MMP14: variants seen among roughly 807,000 people sequenced by gnomAD.
The protein encoded by MMP14 is matrix metalloproteinase-14.
MMP14 carries 13 observed loss-of-function variants against 64.8 expected under a neutral mutation model. That is an observed-to-expected ratio of 0.20 (90% CI 0.13 to 0.32). The LOEUF (loss-of-function observed/expected upper bound fraction) is 0.32, where lower values mean the gene tolerates loss of function less well. MMP14 is among the 10% of genes least tolerant of loss of function. The pLI is 1.00. For synonymous variants in MMP14, 322 were observed against 315.9 expected (o/e 1.02, Z -0.20); for missense variants, 594 against 783.8 (o/e 0.76, Z 2.89).
chr14:22,846,266 G>C lies in MMP14; in HGVS notation c.*227G>C, dbSNP rs113291270. 2 of 528,318 alleles carry C rather than the reference G, an allele frequency of 3.8e-6. No individual in the cohort carries two copies. Among genetic ancestry groups the C allele is most frequent in the Admixed American group, 3.6e-5 (1 of 28,070 alleles). 32.7% of individuals were successfully genotyped at this position (528,318 alleles called of 1,614,324 possible). ...GGTCCCCTGAGGGCTGAGTGGGAGG[G>C]CGGCCCTTTCCAGCCTCTGCCCCTC... On this transcript the variant is annotated 3_prime_UTR_variant, in exon 10 of 10. Transcript: ENST00000311852.
Position 22,841,470 on chromosome 14 carries a change from G to A in MMP14, c.109-21G>A, listed in dbSNP as rs374753739. The A allele has an allele frequency of 1.2e-5, 19 of 1,611,910 alleles. No individual in the cohort carries two copies. In the African/African-American group the frequency reaches 2.3e-4, roughly 19 times the overall value. ...TATGGGCCAGGTGGGGACACTCTAA[G>A]CCATACCCCTTTCCCTACAGGCCTG... On this transcript the variant is annotated intron_variant, in intron 1 of 9. Transcript: ENST00000311852.
At chr14:22,844,918 C>CCA in intron 8 of MMP14, 138 bp downstream of exon 8, 1 of 1,247,350 alleles carries the variant, frequency 8.0e-7, no homozygotes, top group Non-Finnish European at 1.1e-6. Flanking sequence ...CTGCTGTTGC[C>CCA]TAGAAATGGG....
At position 22,843,154 on chromosome 14, in the gene MMP14, A is replaced by T; in HGVS notation, c.689-103A>T. ...AATTTGGCCACTTTGGATTGAAAAC[A>T]TGGGCAGCAGGCTTGGAGGTGAAAC... On this transcript the variant is annotated intron_variant, in intron 4 of 9. Transcript: ENST00000311852. The surrounding 1 kb of genome is among the most constrained non-coding windows in gnomAD (Gnocchi z 4.8). 1 of 1,367,972 alleles carries T rather than the reference A, an allele frequency of 7.3e-7. No individual in the cohort carries two copies. Among genetic ancestry groups the T allele is most frequent in the Non-Finnish European group, 1.0e-6 (1 of 1,002,506 alleles). 84.7% of individuals were successfully genotyped at this position (1,367,972 alleles called of 1,614,324 possible).
chr14:22,839,942 A>C (rs956225322), intron 1 of MMP14, among the ~76,000 whole-genome samples: 1 of 148,686 alleles, frequency 6.7e-6, no homozygotes, highest in African/African-American at 2.5e-5. Context: ...CATATTTCAT[A>C]TATAACTTGG....
In MMP14 at chr14:22,845,847, G is replaced by A; in HGVS notation, c.1557G>A (p.Glu519=). 1 of 1,614,190 alleles carries A rather than the reference G, an allele frequency of 6.2e-7. No homozygotes were observed. Among genetic ancestry groups the A allele is most frequent in the South Asian group, 1.1e-5 (1 of 91,086 alleles). The change falls in exon 10 of 10, where the codon GAG becomes GAA. Residue 519 remains glutamate (E), a synonymous_variant. Coordinates refer to ENST00000311852, the MANE Select transcript of MMP14 (RefSeq NM_004995.4). ...GAGGCCGGCCGGATGAGGGGACTGA[G>A]GAGGAGACGGAGGTGATCATCATTG... is the stretch of plus-strand genomic sequence containing the variant. ...PSGGRPDEGT[E]EETEVIIIEV...
At position 22,843,139 on chromosome 14, in the gene MMP14, C is replaced by T; in HGVS notation, c.689-118C>T. On this transcript the variant is annotated intron_variant, in intron 4 of 9. Coordinates refer to ENST00000311852, the MANE Select transcript of MMP14 (RefSeq NM_004995.4). This position sits in a 1 kb window ranked among gnomAD's most constrained non-coding sequence, Gnocchi z 4.8. Reference sequence around the variant, plus strand: ...AAAGCTAGACCTCAGAATTTGGCCACTTTGGATTGAAAACATGGGCAGCAG... The same window carrying T: ...AAAGCTAGACCTCAGAATTTGGCCATTTTGGATTGAAAACATGGGCAGCAG... 2 of 1,259,732 alleles carry T rather than the reference C, an allele frequency of 1.6e-6. No individual in the cohort carries two copies. The highest frequency in any genetic ancestry group is 2.2e-6 in the Non-Finnish European group (2 of 912,996). 78.0% of individuals were successfully genotyped at this position (1,259,732 alleles called of 1,614,324 possible). A position where few individuals can be genotyped will look rare whatever the true frequency, so the allele number is the denominator to read the frequency against.
At chr14:22,837,940 C>T (rs1269781686) in intron 1 of MMP14, among the ~76,000 whole-genome samples, 4 of 152,296 alleles carry the variant, frequency 2.6e-5, no homozygotes, top group Non-Finnish European at 1.5e-5. Context: ...CTGGCAAGGG[C>T]CTGGGTGCGG....
chr14:22,845,391 G>C (rs774453473), intron 9 of MMP14, 25 bp downstream of exon 9: 1 of 1,516,746 alleles, frequency 6.6e-7, no homozygotes, highest in Non-Finnish European at 9.1e-7. Flanking sequence ...GGAAGGTGTC[G>C]CTGAGAGAAG....
intron 1 of MMP14, among the ~76,000 whole-genome samples, chr14:22,838,897 G>C (rs543110905): frequency 6.6e-6 from 1 of 152,164 alleles, no homozygotes; most frequent in Non-Finnish European, 1.5e-5. Flanking sequence ...CAGGCCTTGC[G>C]GCTCTCTTGA....
chr14:22,839,548 G>A (rs542841683), intron 1 of MMP14, among the ~76,000 whole-genome samples: 12 of 152,178 alleles, frequency 7.9e-5, no homozygotes, highest in Non-Finnish European at 1.6e-4. Flanking sequence ...TGTTGGCTGG[G>A]AAAAGGCTGG....
At position 22,846,128 on chromosome 14, in the gene MMP14, T is replaced by C. The variant is rs1787163682; in HGVS notation, c.*89T>C. On this transcript the variant is annotated 3_prime_UTR_variant, in exon 10 of 10. Coordinates refer to ENST00000311852, the MANE Select transcript of MMP14 (RefSeq NM_004995.4). ...GGTGGTGGTGGGTGGGCTGTTCCCA[T>C]CGTCCCGAGCCCCCTCCCCGCAGCC... is the stretch of plus-strand genomic sequence containing the variant. 6 of 1,258,484 alleles carry C rather than the reference T, an allele frequency of 4.8e-6. No homozygotes were observed. In the South Asian group the frequency reaches 9.4e-5, roughly 20 times the overall value. 78.0% of individuals were successfully genotyped at this position (1,258,484 alleles called of 1,614,324 possible).
At chr14:22,841,868 C>CAAA in intron 2 of MMP14, 45 bp from the exon 3 acceptor site, 1 of 1,612,188 alleles carries the variant, frequency 6.2e-7, no homozygotes, top group Non-Finnish European at 8.5e-7. Flanking sequence ...CTTTCTCTTT[C>CAAA]ATACACTGCA....
chr14:22,844,360 C>G lies in MMP14; in HGVS notation c.1012-11C>G. On this transcript the variant is annotated splice_polypyrimidine_tract_variant and intron_variant, in intron 6 of 9. Transcript: ENST00000311852. ...ACATAATGGACTTTTCCTGCATTGA[C>G]CGGCTTCCAGGAGCGCTGGTTCTGG... 6.2e-7 allele frequency: 1 copy of G among 1,614,018 alleles called. No homozygotes were observed. Among genetic ancestry groups the G allele is most frequent in the South Asian group, 1.1e-5 (1 of 91,060 alleles).
At chr14:22,844,002 G>A (rs2039793080) in intron 6 of MMP14, 132 bp downstream of exon 6, 6 of 1,180,118 alleles carry the variant, frequency 5.1e-6, no homozygotes, top group Non-Finnish European at 7.2e-6. Flanking sequence ...TCGAGAGCAG[G>A]CTGGCCAACA....
At position 22,836,890 on chromosome 14, in the gene MMP14, C is replaced by T. The variant is rs749088113; in HGVS notation, c.73C>T (p.Leu25Phe). Residue 25 changes from leucine to phenylalanine, a missense_variant, in exon 1 of 10, where the codon CTC (leucine) becomes TTC (phenylalanine). Leu to Phe is a conservative substitution (Grantham distance 22). Transcript: ENST00000311852. ...LLTLGTALASLGSAQSSSFSP... is the reference protein window; with the variant it reads ...LLTLGTALASFGSAQSSSFSP... ...CACGCTCGGCACCGCGCTCGCCTCC[C>T]TCGGCTCGGCCCAAAGCAGCAGCTT... 1.4e-5 allele frequency: 22 copies of T among 1,613,716 alleles called. No individual in the cohort carries two copies. The highest frequency in any genetic ancestry group is 1.9e-5 in the Non-Finnish European group (22 of 1,179,860).
chr14:22,839,703 C>G (rs1168646818), intron 1 of MMP14, among the ~76,000 whole-genome samples: 1 of 152,154 alleles, frequency 6.6e-6, no homozygotes, highest in Non-Finnish European at 1.5e-5. Context: ...AGACTACTGC[C>G]CCATCACCAG....
rs112078864 is a variant in MMP14, at chr14:22,844,178, C to G, written c.1012-193C>G. Among the ~76,000 whole-genome samples, 3,527 of 147,516 alleles carry G rather than the reference C, an allele frequency of 0.024. 129 individuals carry two copies. Among genetic ancestry groups the G allele is most frequent in the African/African-American group, 0.084 (3,348 of 39,850 alleles). Reference sequence around the variant, plus strand: ...GGCCATTGCACTCCAGCCTGGACAACAGTGTGAGACTCCATCTCAAAAAAA... The same window carrying G: ...GGCCATTGCACTCCAGCCTGGACAAGAGTGTGAGACTCCATCTCAAAAAAA... On this transcript the variant is annotated intron_variant, in intron 6 of 9. Coordinates refer to ENST00000311852, the MANE Select transcript of MMP14 (RefSeq NM_004995.4).
Position 22,844,201 on chromosome 14 carries a change from A to G in MMP14, c.1012-170A>G, listed in dbSNP as rs866994333. ...AACAGTGTGAGACTCCATCTCAAAA[A>G]AAAAAAAGGCGGGGGGGTACTCTGT... is the stretch of plus-strand genomic sequence containing the variant. On this transcript the variant is annotated intron_variant, in intron 6 of 9. Transcript: ENST00000311852. 5.6e-3 allele frequency among the ~76,000 whole-genome samples: 846 copies of G among 152,026 alleles called. 7 individuals are homozygous for G. Among genetic ancestry groups the G allele is most frequent in the African/African-American group, 0.019 (802 of 41,482 alleles).
At chr14:22,841,402 C>G in intron 1 of MMP14, 89 bp from the exon 2 acceptor site, 4 of 1,537,696 alleles carry the variant, frequency 2.6e-6, no homozygotes, top group Non-Finnish European at 3.5e-6. Context: ...CCTTGCCAAG[C>G]CAAGGCTGTA....
Sources: gnomAD v4.1 joint callset for allele counts (sites outside exome capture counted in the v4.1 genomes callset) on GRCh38, gnomAD v4.1.1 for gene constraint, Gnocchi (gnomAD v3.1) non-coding constraint, MANE v1.5 for transcripts, NCBI Gene and HGNC (gene_info 2026-07-23, HGNC 2026-07-21) for gene names.